EXTL3: variants seen among roughly 807,000 people sequenced by gnomAD.
The protein encoded by EXTL3 is exostosin like glycosyltransferase 3, also known as exostosin-like 3.
EXTL3 carries 27 observed loss-of-function variants against 69.3 expected under a neutral mutation model. That is an observed-to-expected ratio of 0.39 (90% CI 0.29 to 0.54). The LOEUF (loss-of-function observed/expected upper bound fraction) is 0.54. EXTL3 is among the 20% of genes least tolerant of loss of function. EXTL3 has a pLI of 0.69. For synonymous variants in EXTL3, 511 were observed against 499.4 expected, an observed-to-expected ratio of 1.02 and a Z score of -0.31; for missense variants, 1,003 against 1,231.8, an observed-to-expected ratio of 0.81 and a Z score of 2.78.
chr8:28,740,692 A>T (rs1026305898), intron 5 of EXTL3: 9 of 152,242 alleles, frequency 5.9e-5, no homozygotes, highest in African/African-American at 1.9e-4. Context: ...TTTTAAAATC[A>T]TAAGTGCCTG....
intron 1 of EXTL3, among the ~76,000 whole-genome samples, chr8:28,655,936 A>C (rs1465123511): frequency 6.6e-6 from 1 of 152,158 alleles, no homozygotes; most frequent in African/African-American, 2.4e-5. Flanking sequence ...GACTAATTGG[A>C]GACCTATTAT....
At chr8:28,632,971 A>G (rs1352628062) in intron 1 of EXTL3, among the ~76,000 whole-genome samples, 1 of 152,210 alleles carries the variant, frequency 6.6e-6, no homozygotes, top group Non-Finnish European at 1.5e-5. Flanking sequence ...AAAAATATTA[A>G]ATCTGGCCCA....
chr8:28,743,079 CT>C lies in EXTL3; in HGVS notation c.2422-6del. 1 of 1,614,050 alleles carries C rather than the reference CT, an allele frequency of 6.2e-7. No individual in the cohort carries two copies. The highest frequency in any genetic ancestry group is 8.5e-7 in the Non-Finnish European group (1 of 1,179,932). ...AGAGCATGTGGTTCTTTTTCTTCCCCTGACAGTATTATGCCTACCTGTATTC... is the reference window on the plus strand; with the variant it reads ...AGAGCATGTGGTTCTTTTTCTTCCCCGACAGTATTATGCCTACCTGTATTC... On this transcript the variant is annotated splice_region_variant and splice_polypyrimidine_tract_variant and intron_variant, in intron 5 of 6. Coordinates refer to ENST00000220562, the MANE Select transcript of EXTL3 (RefSeq NM_001440.4).
At chr8:28,690,307 G>C (rs12678811) in intron 1 of EXTL3, among the ~76,000 whole-genome samples, 15 of 151,994 alleles carry the variant, frequency 9.9e-5, no homozygotes, top group Admixed American at 2.0e-4. Flanking sequence ...CTGCCTCTCA[G>C]GTTCAAGTGA....
chr8:28,619,845 CTTTTTTTTTTTTTTTTTTTTTTT>C (rs56276866), upstream of EXTL3, among the ~76,000 whole-genome samples: 400 of 50,812 alleles, frequency 7.9e-3, 3 homozygotes, highest in Non-Finnish European at 0.012. Context: ...GCTTCTGGTT[CTTTTTTTTTTTTTTTTTTTTTTT>C]TTTTTTTTTT....
At chr8:28,694,267 A>G (rs1482074629) in intron 1 of EXTL3, among the ~76,000 whole-genome samples, 2 of 152,204 alleles carry the variant, frequency 1.3e-5, no homozygotes, top group Non-Finnish European at 2.9e-5. Flanking sequence ...GAGAACACAG[A>G]CTTGTTTGGC....
chr8:28,631,810 C>G (rs1270237490), intron 1 of EXTL3: 1 of 152,248 alleles, frequency 6.6e-6, no homozygotes, highest in Non-Finnish European at 1.5e-5. Context: ...TTATCTTGGG[C>G]CGGGCACAGT....
intron 1 of EXTL3, among the ~76,000 whole-genome samples, chr8:28,646,775 G>A (rs1407319170): frequency 6.6e-6 from 1 of 152,114 alleles, no homozygotes; most frequent in Admixed American, 6.5e-5. Context: ...ATTTCTCTGG[G>A]CTGCCATTTC....
intron 1 of EXTL3, among the ~76,000 whole-genome samples, chr8:28,632,251 A>G (rs1806581399): frequency 6.6e-6 from 1 of 152,000 alleles, no homozygotes. Context: ...TACTAAAAAT[A>G]CAAAAATTAG....
At chr8:28,635,424 G>A (rs1166832301) in intron 1 of EXTL3, among the ~76,000 whole-genome samples, 2 of 147,306 alleles carry the variant, frequency 1.4e-5, no homozygotes, top group African/African-American at 5.0e-5. Context: ...AAAATTGGCC[G>A]AGCGCAGTGG....
intron 1 of EXTL3, among the ~76,000 whole-genome samples, chr8:28,705,386 A>C (rs1800900178): frequency 6.6e-6 from 1 of 152,152 alleles, no homozygotes; most frequent in African/African-American, 2.4e-5. Context: ...CTCAAGCTGA[A>C]TTCACCCACA....
intron 3 of EXTL3, among the ~76,000 whole-genome samples, chr8:28,718,840 G>A (rs916975572): frequency 6.6e-6 from 1 of 152,182 alleles, no homozygotes; most frequent in Non-Finnish European, 1.5e-5. Context: ...CTTCCAGGGT[G>A]TCTTGTAGGT....
At chr8:28,730,103 CA>C (rs1301165253) in intron 3 of EXTL3, 1 of 152,146 alleles carries the variant, frequency 6.6e-6, no homozygotes, top group Admixed American at 6.5e-5. Flanking sequence ...ACTGGACCTC[CA>C]GGGGGAGGAT....
At chr8:28,619,303 A>C (rs1009207523), upstream of EXTL3, among the ~76,000 whole-genome samples, 9 of 118,744 alleles carry the variant, frequency 7.6e-5, no homozygotes, top group African/African-American at 1.5e-4. Flanking sequence ...AAAAAAAAAA[A>C]AAAAAAAAAA....
At chr8:28,737,152 A>G (rs1179440930) in intron 4 of EXTL3, among the ~76,000 whole-genome samples, 2 of 152,206 alleles carry the variant, frequency 1.3e-5, no homozygotes, top group Non-Finnish European at 2.9e-5. Flanking sequence ...ATTGAAATTG[A>G]TATCATCTTT....
intron 1 of EXTL3, among the ~76,000 whole-genome samples, chr8:28,676,728 G>A (rs1807388976): frequency 1.3e-5 from 2 of 152,176 alleles, no homozygotes; most frequent in African/African-American, 4.8e-5. Context: ...TGGGGAAGGT[G>A]CACACCTTAA....
At chr8:28,635,491 G>T (rs2130571338) in intron 1 of EXTL3, among the ~76,000 whole-genome samples, 1 of 150,848 alleles carries the variant, frequency 6.6e-6, no homozygotes, top group Admixed American at 6.6e-5. Flanking sequence ...CATGAGGTCA[G>T]GAGATCAAGA....
At chr8:28,709,461 C>G (rs1309509485) in intron 1 of EXTL3, among the ~76,000 whole-genome samples, 1 of 152,170 alleles carries the variant, frequency 6.6e-6, no homozygotes, top group Non-Finnish European at 1.5e-5. Flanking sequence ...GGCATAACAG[C>G]CAGATGGAGC....
At chr8:28,649,244 A>G (rs1251847709) in intron 1 of EXTL3, among the ~76,000 whole-genome samples, 1 of 152,118 alleles carries the variant, frequency 6.6e-6, no homozygotes, top group Non-Finnish European at 1.5e-5. Context: ...CCTGTATGCA[A>G]TTGTTCCTCT....
Sources: gnomAD v4.1 joint callset for allele counts (sites outside exome capture counted in the v4.1 genomes callset) on GRCh38, gnomAD v4.1.1 for gene constraint, MANE v1.5 for transcripts, NCBI Gene and HGNC (gene_info 2026-07-23, HGNC 2026-07-21) for gene names.